The following MSR1 variants were observed in gnomAD, a reference collection of about 807,000 sequenced individuals.
The protein encoded by MSR1 is macrophage scavenger receptor types I and II.
A neutral mutation model predicts 47.2 loss-of-function variants in MSR1; 53 were observed. The observed-to-expected ratio is 1.12, with a 90% CI of 0.90 to 1.41. The LOEUF is 1.41. Ranked by LOEUF, MSR1 falls within the 40% of genes most tolerant of loss-of-function variation. The pLI, the probability that MSR1 is intolerant of heterozygous loss-of-function variation, is 0.00. For synonymous variants in MSR1, 239 were observed against 185.6 expected (o/e 1.29, Z -2.34); for missense variants, 786 against 546.9 (o/e 1.44, Z -4.36).
At chr8:16,177,791 A>G in intron 2 of MSR1, 95 bp downstream of exon 2, 2 of 929,860 alleles carry the variant, frequency 2.2e-6, no homozygotes, top group Admixed American at 3.9e-5. Flanking sequence ...TTTAACATCC[A>G]CTTACATTTA....
intron 9 of MSR1, among the ~76,000 whole-genome samples, chr8:16,116,791 T>G (rs569395483): frequency 6.6e-6 from 1 of 152,130 alleles, no homozygotes; most frequent in African/African-American, 2.4e-5. Context: ...AGCTATGTTT[T>G]TCTCACCTAT....
intron 9 of MSR1, among the ~76,000 whole-genome samples, chr8:16,120,004 C>G (rs1048258357): frequency 6.6e-6 from 1 of 151,864 alleles, no homozygotes; most frequent in African/African-American, 2.4e-5. Context: ...GCGTGAGCCA[C>G]TGTACCAAGC....
Position 16,168,531 on chromosome 8 carries a change from G to GT in MSR1, c.556dup (p.Thr186AsnfsTer4). The GT allele has an allele frequency of 6.2e-7, 1 of 1,614,122 alleles. No homozygotes were observed. Among genetic ancestry groups the GT allele is most frequent in the Non-Finnish European group, 8.5e-7 (1 of 1,179,992 alleles). On this transcript the variant is annotated frameshift_variant, in exon 4 of 10. Coordinates refer to ENST00000262101, the MANE Select transcript of MSR1 (RefSeq NM_138715.3). LOFTEE classifies it high-confidence loss of function. ...TATGTTGAGCTGCAAATCAAGCAAT[G>GT]TGGTATTCAAACTTATTAAGGACTT... is the stretch of plus-strand genomic sequence containing the variant.
chr8:16,163,453 A>G (rs1290923841), intron 5 of MSR1, among the ~76,000 whole-genome samples: 1 of 151,668 alleles, frequency 6.6e-6, no homozygotes, highest in East Asian at 1.9e-4. Flanking sequence ...AAAATATAGA[A>G]ATCAAAAAAT....
chr8:16,171,790 A>G (rs1801495079), intron 3 of MSR1, among the ~76,000 whole-genome samples: 1 of 152,192 alleles, frequency 6.6e-6, no homozygotes, highest in South Asian at 2.1e-4. Context: ...AGATTCTAGA[A>G]TAGAACTGCC....
At chr8:16,165,709 A>T (rs763649066) in intron 4 of MSR1, among the ~76,000 whole-genome samples, 2 of 152,176 alleles carry the variant, frequency 1.3e-5, no homozygotes, top group African/African-American at 2.4e-5. Flanking sequence ...ACTAGACTAG[A>T]CAAGCTTAGG....
chr8:16,111,265 G>T (rs1799750276), intron 9 of MSR1, among the ~76,000 whole-genome samples: 1 of 152,142 alleles, frequency 6.6e-6, no homozygotes, highest in Admixed American at 6.5e-5. Context: ...AATACAGGAG[G>T]AAGCCGAAGT....
Position 16,150,288 on chromosome 8 carries a change from G to A in MSR1, c.922C>T (p.Arg308Trp), listed in dbSNP as rs759088804. The A allele has an allele frequency of 1.1e-5, 17 of 1,568,128 alleles. No homozygotes were observed. Among genetic ancestry groups the A allele is most frequent in the East Asian group, 9.2e-5 (4 of 43,262 alleles). ...CTTCCAGGAAAGCCAATTGCTCCCC[G>A]ATCACCTTTAAGACCCGGAGGACCT... ...PIGPPGLKGD[R>W]GAIGFPGSRG... The change falls in exon 7 of 10, where the codon CGG (arginine) becomes TGG (tryptophan). Residue 308 changes from arginine to tryptophan, a missense_variant. Transcript: ENST00000262101.
intron 3 of MSR1, among the ~76,000 whole-genome samples, chr8:16,172,286 TTTTAA>T (rs1174149312): frequency 7.2e-5 from 11 of 152,310 alleles, no homozygotes; most frequent in Admixed American, 6.5e-5. Context: ...GACCAACTAT[TTTTAA>T]TTTGACAACA....
In MSR1 at chr8:16,117,679, G is replaced by A. The variant is rs551829360; in HGVS notation, c.1222+2739C>T. Among the ~76,000 whole-genome samples the A allele has an allele frequency of 3.3e-5, 5 of 152,114 alleles. No individual in the cohort carries two copies. The South Asian group carries it at 1.0e-3, about 32-fold the overall frequency. ...CCAACATGCTATCTTAGTGAAGCAG[G>A]GTTTTCTACAGTGATAGCAACCAAA... On this transcript the variant is annotated intron_variant, in intron 9 of 9. Transcript: ENST00000262101.
At chr8:16,149,320 T>A (rs12544550) in intron 7 of MSR1, among the ~76,000 whole-genome samples, 3 of 152,086 alleles carry the variant, frequency 2.0e-5, no homozygotes, top group African/African-American at 7.2e-5. Context: ...AGTTTTTCTA[T>A]AAATGTAAAA....
intron 8 of MSR1, among the ~76,000 whole-genome samples, chr8:16,124,771 G>A (rs75486617): frequency 0.051 from 7,793 of 152,210 alleles, 388 homozygotes; most frequent in East Asian, 0.13. Context: ...CATCTGACAA[G>A]ATGCAAGTTG....
intron 6 of MSR1, among the ~76,000 whole-genome samples, chr8:16,151,645 C>T (rs752804012): frequency 2.6e-5 from 4 of 152,130 alleles, no homozygotes; most frequent in African/African-American, 9.7e-5. Context: ...AGTACAGTTA[C>T]ATGGAATCTC....
At chr8:16,140,911 T>C in intron 8 of MSR1, 2 of 1,611,096 alleles carry the variant, frequency 1.2e-6, no homozygotes, top group Non-Finnish European at 1.7e-6. Context: ...CAAAAGGATC[T>C]TGGAAGTCAG....
chr8:16,188,488 C>T (rs1352321896), intron 1 of MSR1, among the ~76,000 whole-genome samples: 1 of 151,848 alleles, frequency 6.6e-6, no homozygotes, highest in East Asian at 2.0e-4. Flanking sequence ...ACGAATTTTT[C>T]AAACTTGAAA....
intron 6 of MSR1, among the ~76,000 whole-genome samples, chr8:16,153,683 T>G (rs1800921887): frequency 6.6e-6 from 1 of 151,966 alleles, no homozygotes; most frequent in African/African-American, 2.4e-5. Flanking sequence ...TGCAGAAGAT[T>G]CTCCCAAGAT....
chr8:16,142,440 C>G (rs1800584148), intron 8 of MSR1, among the ~76,000 whole-genome samples: 1 of 152,080 alleles, frequency 6.6e-6, no homozygotes, highest in African/African-American at 2.4e-5. Flanking sequence ...ATTAATGTTT[C>G]TATTGTTTTA....
chr8:16,177,870 A>T lies in MSR1; in HGVS notation c.103+16T>A, dbSNP rs774348715. 27 of 1,605,328 alleles carry T rather than the reference A, an allele frequency of 1.7e-5. No homozygotes were observed. In the Admixed American group the frequency reaches 4.0e-4, roughly 24 times the overall value. On this transcript the variant is annotated intron_variant, in intron 2 of 9. Transcript: ENST00000262101. ...TAAGAACAACCTCCATGGGCAGCCCATCCCCCTCTACTTACTCGGAGGAAG... is the reference window on the plus strand; with the variant it reads ...TAAGAACAACCTCCATGGGCAGCCCTTCCCCCTCTACTTACTCGGAGGAAG...
At chr8:16,166,071 G>GTGT (rs1482852034) in intron 4 of MSR1, among the ~76,000 whole-genome samples, 1 of 151,460 alleles carries the variant, frequency 6.6e-6, no homozygotes. Context: ...TCAGCATAAA[G>GTGT]TGTTAAGTGA....
Sources: allele counts gnomAD v4.1 joint callset (sites outside exome capture counted in the v4.1 genomes callset), GRCh38; gene constraint gnomAD v4.1.1; transcripts MANE v1.5; gene names NCBI Gene and HGNC (gene_info 2026-07-23, HGNC 2026-07-21).